Variants in PSTPIP2 observed in about 807,000 individuals in gnomAD.
PSTPIP2 encodes the protein proline-serine-threonine phosphatase-interacting protein 2.
A neutral mutation model predicts 63.3 loss-of-function variants in PSTPIP2; 33 were observed. The ratio of observed to expected loss-of-function variants is 0.52; its 90% CI spans 0.40 to 0.70. The LOEUF (loss-of-function observed/expected upper bound fraction) is 0.70, where lower values mean the gene tolerates loss of function less well. Among genes scored for constraint, PSTPIP2 ranks in the 30% least tolerant of loss-of-function variants. The pLI, the probability that PSTPIP2 is intolerant of heterozygous loss-of-function variation, is 0.00. For synonymous variants in PSTPIP2, 125 were observed against 132.7 expected, an observed-to-expected ratio of 0.94 and a Z score of 0.40; for missense variants, 312 against 400.7, an observed-to-expected ratio of 0.78 and a Z score of 1.89.
At position 46,071,007 on chromosome 18, in the gene PSTPIP2, C is replaced by T. The variant is rs574312108; in HGVS notation, c.33+1149G>A. Among the ~76,000 whole-genome samples the T allele has an allele frequency of 2.0e-5, 3 of 152,282 alleles. No homozygotes were observed. In the South Asian group the frequency reaches 6.2e-4, roughly 32 times the overall value. On this transcript the variant is annotated intron_variant, in intron 1 of 14. Transcript: ENST00000409746. ...TCTACCTGAAAAACTCGCAAGCCTC[C>T]CGTGAGAGCCATCTGTGGTGCCCTT...
chr18:45,993,910 A>C, intron 9 of PSTPIP2: 2 of 545,304 alleles, frequency 3.7e-6, no homozygotes, highest in Non-Finnish European at 6.6e-6. Flanking sequence ...TAACACAAAC[A>C]GGCTTGGAAA....
At chr18:46,004,090 T>G (rs1437720894) in intron 6 of PSTPIP2, among the ~76,000 whole-genome samples, 2 of 152,170 alleles carry the variant, frequency 1.3e-5, no homozygotes, top group Admixed American at 1.3e-4. Flanking sequence ...TGATAAGCCT[T>G]TCTCTTTAAT....
chr18:46,071,753 CCGGA>C (rs929502941), intron 1 of PSTPIP2, among the ~76,000 whole-genome samples: 1 of 152,236 alleles, frequency 6.6e-6, no homozygotes, highest in Non-Finnish European at 1.5e-5. Flanking sequence ...GAGACTCTCC[CCGGA>C]CGGGTCTCGC....
At chr18:46,024,518 T>C in intron 3 of PSTPIP2, 91 bp downstream of exon 3, 1 of 1,164,632 alleles carries the variant, frequency 8.6e-7, no homozygotes, top group Non-Finnish European at 1.3e-6. Flanking sequence ...GCCAGCATAC[T>C]TCAACCTCCT....
chr18:46,001,387 T>C (rs754628150), intron 6 of PSTPIP2, among the ~76,000 whole-genome samples: 4 of 152,256 alleles, frequency 2.6e-5, no homozygotes, highest in Non-Finnish European at 5.9e-5. Flanking sequence ...GCCATTTGTA[T>C]GTCTTCTTTT....
intron 3 of PSTPIP2, among the ~76,000 whole-genome samples, chr18:46,021,761 C>T (rs1599720931): frequency 7.0e-6 from 1 of 143,398 alleles, no homozygotes; most frequent in Non-Finnish European, 1.5e-5. Flanking sequence ...GCCTGACCAA[C>T]GTGGTAAAAC....
rs1193141490 is a variant in PSTPIP2 at position 46,039,981 on chromosome 18, T to A, written c.100A>T (p.Asn34Tyr). The change falls in exon 2 of 15, where the codon AAC (asparagine) becomes TAC (tyrosine). Residue 34 changes from asparagine to tyrosine, a missense_variant. Physicochemically the swap from Asn to Tyr is moderately radical, Grantham distance 143 (BLOSUM62 -2). Coordinates refer to ENST00000409746, the MANE Select transcript of PSTPIP2 (RefSeq NM_024430.4). ...AGAAAGTCTTCAAACTCTTTGCAGT[T>A]CTTGCGGCCATTGTTCAGATGTTGG... Reference protein sequence around the residue: ...IIQHLNNGRKNCKEFEDFLKE... With the variant: ...IIQHLNNGRKYCKEFEDFLKE... The A allele has an allele frequency of 6.2e-7, 1 of 1,613,854 alleles. No individual in the cohort carries two copies. Among genetic ancestry groups the A allele is most frequent in the Non-Finnish European group, 8.5e-7 (1 of 1,179,790 alleles).
intron 2 of PSTPIP2, chr18:46,029,311 C>A: frequency 6.5e-7 from 1 of 1,527,552 alleles, no homozygotes; most frequent in Non-Finnish European, 9.1e-7. Flanking sequence ...CATTTGCTAT[C>A]GATGAAGACC....
intron 1 of PSTPIP2, among the ~76,000 whole-genome samples, chr18:46,067,363 C>T (rs530845088): frequency 1.6e-4 from 24 of 151,734 alleles, no homozygotes; most frequent in Non-Finnish European, 3.2e-4. Flanking sequence ...ATTAGCCGGG[C>T]GTGGTGGCGG....
chr18:46,036,004 G>T (rs1202688996), intron 2 of PSTPIP2, among the ~76,000 whole-genome samples: 2 of 151,756 alleles, frequency 1.3e-5, no homozygotes, highest in African/African-American at 2.4e-5. Flanking sequence ...CCAGCTGACA[G>T]AAGGGTAAAC....
chr18:46,017,464 G>A (rs4890615), intron 3 of PSTPIP2, among the ~76,000 whole-genome samples: 31,530 of 151,924 alleles, frequency 0.21, 4,110 homozygotes, highest in East Asian at 0.41. Context: ...AAATTGTCAA[G>A]CTCTGTTGCT....
intron 4 of PSTPIP2, among the ~76,000 whole-genome samples, chr18:46,011,934 A>G (rs73438249): frequency 2.7e-4 from 41 of 152,370 alleles, no homozygotes; most frequent in African/African-American, 9.4e-4. Flanking sequence ...AAAAAATTTA[A>G]ACTTGTGGGT....
chr18:46,063,382 A>G (rs1909058449), intron 1 of PSTPIP2, among the ~76,000 whole-genome samples: 1 of 152,204 alleles, frequency 6.6e-6, no homozygotes, highest in Non-Finnish European at 1.5e-5. Flanking sequence ...ACTTTAGATC[A>G]ATAAACTTGA....
chr18:46,028,211 G>C (rs915237526), intron 2 of PSTPIP2: 1 of 359,562 alleles, frequency 2.8e-6, no homozygotes, highest in African/African-American at 2.2e-5. Flanking sequence ...GAGCGCCTGC[G>C]TTTCTCCTCA....
intron 5 of PSTPIP2, among the ~76,000 whole-genome samples, chr18:46,009,382 A>AC (rs1397554153): frequency 2.2e-5 from 3 of 135,176 alleles, no homozygotes; most frequent in Non-Finnish European, 3.1e-5. Flanking sequence ...AAAAAAAAAA[A>AC]AAAAAAAAAC....
chr18:46,011,999 A>G (rs950646302), intron 4 of PSTPIP2, among the ~76,000 whole-genome samples: 13 of 152,226 alleles, frequency 8.5e-5, no homozygotes, highest in African/African-American at 2.4e-4. Flanking sequence ...ACATATTTGC[A>G]ATTTATATAA....
In PSTPIP2 at chr18:46,005,540, A is replaced by G; in HGVS notation, c.355-9T>C. On this transcript the variant is annotated splice_polypyrimidine_tract_variant and intron_variant, in intron 5 of 14. Coordinates refer to ENST00000409746, the MANE Select transcript of PSTPIP2 (RefSeq NM_024430.4). ...TCCATTATGAGCTCTGTCTGTAAAG[A>G]GATCATAAACACTCTTAATAAAAAC... is the stretch of plus-strand genomic sequence containing the variant. The G allele has an allele frequency of 6.4e-7, 1 of 1,566,058 alleles. No homozygotes were observed. Among genetic ancestry groups the G allele is most frequent in the Non-Finnish European group, 8.7e-7 (1 of 1,145,454 alleles).
chr18:46,055,488 T>C lies in PSTPIP2; in HGVS notation c.34-15441A>G, dbSNP rs1163531078. 5.9e-5 allele frequency among the ~76,000 whole-genome samples: 9 copies of C among 152,160 alleles called. No homozygotes were observed. The East Asian group carries it at 1.7e-3, about 29-fold the overall frequency. ...GGCACATGCCACCATGCCCAGCTAA[T>C]ATTTTGTATTTTTTTCGTTGAGGTT... On this transcript the variant is annotated intron_variant, in intron 1 of 14. Coordinates refer to ENST00000409746, the MANE Select transcript of PSTPIP2 (RefSeq NM_024430.4).
chr18:45,997,580 G>A (rs938976655), intron 9 of PSTPIP2, among the ~76,000 whole-genome samples, 169 bp downstream of exon 9: 4 of 149,630 alleles, frequency 2.7e-5, no homozygotes, highest in African/African-American at 9.9e-5. Flanking sequence ...CAGGTTCTGG[G>A]CAGAAGACCC....
Sources: gnomAD v4.1 joint callset for allele counts (sites outside exome capture counted in the v4.1 genomes callset) on GRCh38, gnomAD v4.1.1 for gene constraint, MANE v1.5 for transcripts, NCBI Gene and HGNC (gene_info 2026-07-23, HGNC 2026-07-21) for gene names.